Variants in AHCYL2 observed in about 807,000 individuals in gnomAD.
The protein encoded by AHCYL2 is S-adenosylhomocysteine hydrolase-like protein 2.
Under a neutral mutation model 81.4 loss-of-function variants are expected in AHCYL2, and 28 were observed. The ratio of observed to expected loss-of-function variants is 0.34; its 90% CI spans 0.25 to 0.47. The LOEUF (loss-of-function observed/expected upper bound fraction) is 0.47. Ranked by LOEUF, AHCYL2 falls within the 20% of genes least tolerant of loss-of-function variation. AHCYL2 has a pLI of 1.00. For missense variants in AHCYL2, 551 were observed against 785.1 expected (o/e 0.70, Z 3.56); for synonymous variants, 272 against 290.2 (o/e 0.94, Z 0.64).
At chr7:129,278,769 T>TG (rs1289981926) in intron 1 of AHCYL2, among the ~76,000 whole-genome samples, 2 of 150,294 alleles carry the variant, frequency 1.3e-5, no homozygotes, top group African/African-American at 4.9e-5. Context: ...AGCTCTTTTT[T>TG]TTTTTTTTTT....
intron 4 of AHCYL2, among the ~76,000 whole-genome samples, chr7:129,394,801 A>C (rs1034767821): frequency 1.3e-5 from 2 of 152,178 alleles, no homozygotes; most frequent in Admixed American, 1.3e-4. Context: ...CTATTCATAG[A>C]TGTTGTCTAT....
chr7:129,313,413 G>A (rs916669349), intron 1 of AHCYL2, among the ~76,000 whole-genome samples: 1 of 152,220 alleles, frequency 6.6e-6, no homozygotes, highest in African/African-American at 2.4e-5. Flanking sequence ...TGGAGGCTCA[G>A]TGTTCTGGCC....
intron 1 of AHCYL2, among the ~76,000 whole-genome samples, chr7:129,245,399 G>T (rs1304032157): frequency 6.6e-6 from 1 of 152,160 alleles, no homozygotes; most frequent in African/African-American, 2.4e-5. Context: ...GCATAGTTCA[G>T]TGGCATTAAG....
At chr7:129,293,149 GT>G (rs34694658) in intron 1 of AHCYL2, among the ~76,000 whole-genome samples, 79,305 of 135,562 alleles carry the variant, frequency 0.59, 22,901 homozygotes, top group East Asian at 0.7. Context: ...GAGTTTTTGG[GT>G]TTTTTTTTTG....
At chr7:129,381,197 AAAT>A (rs1278353202) in intron 2 of AHCYL2, among the ~76,000 whole-genome samples, 1 of 152,190 alleles carries the variant, frequency 6.6e-6, no homozygotes, top group Admixed American at 6.5e-5. Context: ...GATTGATACT[AAAT>A]AATAATAATA....
chr7:129,348,833 A>T (rs1793452213), intron 1 of AHCYL2, among the ~76,000 whole-genome samples: 1 of 152,208 alleles, frequency 6.6e-6, no homozygotes, highest in Admixed American at 6.5e-5. Flanking sequence ...CAAATTTTGT[A>T]TAAGCATATG....
At chr7:129,325,365 A>T (rs1411642768) in intron 1 of AHCYL2, among the ~76,000 whole-genome samples, 1 of 152,142 alleles carries the variant, frequency 6.6e-6, no homozygotes, top group African/African-American at 2.4e-5. Context: ...TGTCACTTGC[A>T]TGGTTTCCTA....
intron 1 of AHCYL2, among the ~76,000 whole-genome samples, chr7:129,307,624 G>A (rs1370203305): frequency 2.0e-5 from 3 of 151,892 alleles, no homozygotes; most frequent in Non-Finnish European, 2.9e-5. Context: ...TACCTAAGCT[G>A]CAAGACAAAG....
chr7:129,303,498 G>C (rs1797321696), intron 1 of AHCYL2, among the ~76,000 whole-genome samples: 1 of 152,134 alleles, frequency 6.6e-6, no homozygotes, highest in Non-Finnish European at 1.5e-5. Context: ...AGTATCAGCT[G>C]TAATGTCTTC....
At position 129,409,554 on chromosome 7, in the gene AHCYL2, A is replaced by C; in HGVS notation, c.1366+8A>C. On this transcript the variant is annotated splice_region_variant and intron_variant, in intron 11 of 16. Transcript: ENST00000325006. ...TTGTTATTACCTGTACAGGTATGAT[A>C]ATGACATTTTAAATGGGGTGGCACT... is the stretch of plus-strand genomic sequence containing the variant. 4 of 1,600,260 alleles carry C rather than the reference A, an allele frequency of 2.5e-6. No homozygotes were observed. Among genetic ancestry groups the C allele is most frequent in the Non-Finnish European group, 3.4e-6 (4 of 1,170,552 alleles).
intron 1 of AHCYL2, among the ~76,000 whole-genome samples, chr7:129,326,210 A>G (rs1417954782): frequency 6.6e-6 from 1 of 152,120 alleles, no homozygotes; most frequent in Non-Finnish European, 1.5e-5. Context: ...TGCTGTCCAT[A>G]TATTTTTGTA....
intron 6 of AHCYL2, among the ~76,000 whole-genome samples, chr7:129,401,505 T>C (rs1796035595): frequency 6.6e-6 from 1 of 152,218 alleles, no homozygotes; most frequent in African/African-American, 2.4e-5. Flanking sequence ...AGAGCAGGCC[T>C]CACTTGGTGC....
At chr7:129,239,840 C>A (rs778780881) in intron 1 of AHCYL2, among the ~76,000 whole-genome samples, 1 of 151,828 alleles carries the variant, frequency 6.6e-6, no homozygotes, top group Non-Finnish European at 1.5e-5. Context: ...GACACTTCCC[C>A]CATATATACA....
chr7:129,265,934 T>A (rs1163051662), intron 1 of AHCYL2, among the ~76,000 whole-genome samples: 1 of 152,182 alleles, frequency 6.6e-6, no homozygotes, highest in Non-Finnish European at 1.5e-5. Context: ...GCAAAAAAGA[T>A]ATGCTAATGT....
chr7:129,344,707 G>A (rs1793299764), intron 1 of AHCYL2, among the ~76,000 whole-genome samples: 1 of 152,214 alleles, frequency 6.6e-6, no homozygotes, highest in African/African-American at 2.4e-5. Flanking sequence ...AAAGAAGACT[G>A]TTGATGGAGT....
At chr7:129,424,971 G>A (rs1290210289) in intron 14 of AHCYL2, 29 bp downstream of exon 14, 2 of 1,613,910 alleles carry the variant, frequency 1.2e-6, no homozygotes, top group Middle Eastern at 1.7e-4. Context: ...GATAGCAGTA[G>A]TCTGGAGAAG....
chr7:129,299,369 GTTTTTTTTTTTTTTTTTTTTTTTTTT>G lies in AHCYL2; in HGVS notation c.363+73947_363+73972del, dbSNP rs71162592. Among the ~76,000 whole-genome samples, 197 of 46,304 alleles carry G rather than the reference GTTTTTTTTTTTTTTTTTTTTTTTTTT, an allele frequency of 4.3e-3. 1 individual carries two copies. Among genetic ancestry groups the G allele is most frequent in the Non-Finnish European group, 5.6e-3 (147 of 26,046 alleles). The allele number at this position is 46,304 out of a possible 152,430, so 30.4% of individuals were successfully genotyped here. A position where few individuals can be genotyped will look rare whatever the true frequency, so the allele number is the denominator to read the frequency against. ...AGGCTGAGGTGGGAGAGTCCAACTT[GTTTTTTTTTTTTTTTTTTTTTTTTTT>G]TTTTTTTTTTTTTTTTGAGATGGAG... On this transcript the variant is annotated intron_variant, in intron 1 of 16. Transcript: ENST00000325006.
intron 1 of AHCYL2, among the ~76,000 whole-genome samples, chr7:129,280,381 C>A (rs1199089218): frequency 6.6e-6 from 1 of 151,948 alleles, no homozygotes; most frequent in East Asian, 1.9e-4. Flanking sequence ...GTTGGCCAGG[C>A]TGGTCTGGAA....
At chr7:129,376,933 C>T (rs530360649) in intron 1 of AHCYL2, among the ~76,000 whole-genome samples, 2 of 152,354 alleles carry the variant, frequency 1.3e-5, no homozygotes, top group South Asian at 2.1e-4. Context: ...CCCAGCTTTC[C>T]ACCTTCCCTC....
Sources: gnomAD v4.1 joint callset for allele counts (sites outside exome capture counted in the v4.1 genomes callset) on GRCh38, gnomAD v4.1.1 for gene constraint, MANE v1.5 for transcripts, NCBI Gene and HGNC (gene_info 2026-07-23, HGNC 2026-07-21) for gene names.